KCNN1: variants seen among roughly 807,000 people sequenced by gnomAD.
KCNN1 encodes small conductance calcium-activated potassium channel protein 1.
In KCNN1, 20 loss-of-function variants were observed where a neutral mutation model predicts 44.7. The observed-to-expected ratio is 0.45, with a 90% CI of 0.32 to 0.65. KCNN1 has a LOEUF of 0.65. Among genes scored for constraint, KCNN1 ranks in the 30% least tolerant of loss-of-function variants. KCNN1 has a pLI of 0.05. For synonymous variants in KCNN1, 324 were observed against 341.7 expected (o/e 0.95, Z 0.57); for missense variants, 632 against 785.3 (o/e 0.80, Z 2.33).
chr19:17,999,551 G>A lies in KCNN1; in HGVS notation c.*1145G>A, dbSNP rs1411705271. On this transcript the variant is annotated 3_prime_UTR_variant, in exon 10 of 10. Transcript: ENST00000684775. ...GACTCCATGGAGGAGCCATGGGGAC[G>A]TCAGGAGGAGGGGTTATTTGGTGAC... is the stretch of plus-strand genomic sequence containing the variant. The A allele has an allele frequency of 2.5e-5, 4 of 159,698 alleles. No homozygotes were observed. Among genetic ancestry groups the A allele is most frequent in the Admixed American group, 1.2e-4 (2 of 16,158 alleles). The allele number at this position is 159,698 out of a possible 1,614,324, so 9.9% of individuals were successfully genotyped here.
At chr19:17,963,085 G>C (rs906304067), upstream of KCNN1, among the ~76,000 whole-genome samples, 1 of 142,652 alleles carries the variant, frequency 7.0e-6, no homozygotes, top group Non-Finnish European at 1.5e-5. Flanking sequence ...TCGGTTCACT[G>C]CAAGCTCCGC....
At chr19:17,989,673 A>G in intron 6 of KCNN1, 43 bp from the exon 7 acceptor site, 2 of 1,611,932 alleles carry the variant, frequency 1.2e-6, no homozygotes, top group Non-Finnish European at 1.7e-6. Context: ...GCCTTTTGGA[A>G]TTTCGCGCCA....
chr19:17,955,157 C>T (rs1279696669), intron 2 of KCNN1, among the ~76,000 whole-genome samples: 3 of 150,128 alleles, frequency 2.0e-5, no homozygotes, highest in Admixed American at 6.6e-5. Context: ...GTGGGAGTAT[C>T]GAGTCCAGGA....
In KCNN1 at chr19:17,967,294, G is replaced by T; in HGVS notation, c.-105G>T. 1.0e-6 allele frequency: 1 copy of T among 985,300 alleles called. No homozygotes were observed. 61.0% of individuals were successfully genotyped at this position (985,300 alleles called of 1,614,324 possible). Reference sequence around the variant, plus strand: ...GACCCTCTCCCCTCCAGCCTTGTCCGCCCGCTCGGGCCGAGCCCCGCAGGT... The same window carrying T: ...GACCCTCTCCCCTCCAGCCTTGTCCTCCCGCTCGGGCCGAGCCCCGCAGGT... On this transcript the variant is annotated 5_prime_UTR_variant, in exon 1 of 10. Transcript: ENST00000684775.
chr19:17,966,474 T>TG (rs1233964474), upstream of KCNN1, among the ~76,000 whole-genome samples: 1 of 152,188 alleles, frequency 6.6e-6, no homozygotes, highest in Non-Finnish European at 1.5e-5. Flanking sequence ...CCCCCAGCCC[T>TG]GGTGATCCCA....
At chr19:17,973,716 C>T in intron 1 of KCNN1, 92 bp from the exon 2 acceptor site, 1 of 1,400,614 alleles carries the variant, frequency 7.1e-7, no homozygotes, top group Non-Finnish European at 9.3e-7. Context: ...CACTCCCAAA[C>T]TTAGAACGTT....
upstream of KCNN1, among the ~76,000 whole-genome samples, chr19:17,964,402 C>T (rs1455377804): frequency 6.6e-6 from 1 of 152,248 alleles, no homozygotes; most frequent in Non-Finnish European, 1.5e-5. The surrounding 1 kb of genome is among the most constrained non-coding windows in gnomAD (Gnocchi z 4.3). Context: ...GACCCTTAGA[C>T]ACTGCCCAGA....
At chr19:17,965,786 G>A (rs1002219233), upstream of KCNN1, among the ~76,000 whole-genome samples, 1 of 152,196 alleles carries the variant, frequency 6.6e-6, no homozygotes, top group African/African-American at 2.4e-5. Flanking sequence ...GGATCTGACC[G>A]GGACCACCCA....
At chr19:17,954,153 A>G (rs932624036) in intron 1 of KCNN1, among the ~76,000 whole-genome samples, 6 of 152,186 alleles carry the variant, frequency 3.9e-5, no homozygotes, top group Non-Finnish European at 4.4e-5. Flanking sequence ...AAAGCTTAGG[A>G]GATGACCCAG....
intron 7 of KCNN1, among the ~76,000 whole-genome samples, chr19:17,992,184 G>A (rs145067333): frequency 3.4e-5 from 5 of 147,090 alleles, no homozygotes; most frequent in African/African-American, 1.0e-4. Flanking sequence ...TTAGCTGAGC[G>A]TGGTGGCACA....
At chr19:17,976,495 C>T (rs1422227398) in intron 3 of KCNN1, among the ~76,000 whole-genome samples, 6 of 150,774 alleles carry the variant, frequency 4.0e-5, no homozygotes, top group African/African-American at 1.2e-4. Flanking sequence ...TCCAGCTCAC[C>T]GCAACCTACG....
At chr19:17,994,211 G>A (rs2032903405) in intron 9 of KCNN1, among the ~76,000 whole-genome samples, 1 of 152,002 alleles carries the variant, frequency 6.6e-6, no homozygotes, top group Non-Finnish European at 1.5e-5. Context: ...TTGGGAGGCT[G>A]AGGCAGGCAG....
chr19:17,988,343 T>C, intron 5 of KCNN1, 72 bp from the exon 6 acceptor site: 1 of 1,266,698 alleles, frequency 7.9e-7, no homozygotes, highest in Non-Finnish European at 1.1e-6. Flanking sequence ...GGCTGCAATC[T>C]GGGCAGGCTT....
rs1444875547 is a variant in KCNN1 at position 17,998,046 on chromosome 19, C to G, written c.1378-106C>G. On this transcript the variant is annotated intron_variant, in intron 9 of 9. Coordinates refer to ENST00000684775, the MANE Select transcript of KCNN1 (RefSeq NM_001386974.1). The surrounding 1 kb of genome is among the most constrained non-coding windows in gnomAD (Gnocchi z 5.4). ...ACGGGCCCCATTAGTGGCTGGCACC[C>G]ACCTGGAGCGTGTGGGCTGTCCCTC... 7.6e-7 allele frequency: 1 copy of G among 1,324,262 alleles called. No homozygotes were observed. The highest frequency in any genetic ancestry group is 1.0e-6 in the Non-Finnish European group (1 of 994,696). The allele number at this position is 1,324,262 out of a possible 1,614,324, so 82.0% of individuals were successfully genotyped here. A position where few individuals can be genotyped will look rare whatever the true frequency, so the allele number is the denominator to read the frequency against.
chr19:17,959,685 G>A (rs1400568355), intron 2 of KCNN1, among the ~76,000 whole-genome samples: 2 of 152,170 alleles, frequency 1.3e-5, no homozygotes, highest in Admixed American at 1.3e-4. Flanking sequence ...TTACAGGCAT[G>A]AGCCATGGGA....
chr19:17,978,129 T>G (rs1301214200), intron 3 of KCNN1, among the ~76,000 whole-genome samples: 1 of 149,826 alleles, frequency 6.7e-6, no homozygotes, highest in East Asian at 1.9e-4. Context: ...TATACTTGTT[T>G]TTTTTTTTTT....
intron 2 of KCNN1, chr19:17,954,703 G>A (rs1182410070): frequency 6.6e-6 from 1 of 152,380 alleles, no homozygotes; most frequent in South Asian, 2.1e-4. Flanking sequence ...CCAGACTTGG[G>A]TCGCCTTTGG....
rs746083930 is a variant in KCNN1, at chr19:17,973,933, C to T, written c.45C>T (p.Gly15=). 41 of 1,555,932 alleles carry T rather than the reference C, an allele frequency of 2.6e-5. No individual in the cohort carries two copies. The African/African-American group carries it at 3.9e-4, about 15-fold the overall frequency. Residue 15 remains glycine, a synonymous_variant, in exon 2 of 10, where the codon GGC becomes GGT. Coordinates refer to ENST00000684775, the MANE Select transcript of KCNN1 (RefSeq NM_001386974.1). The part of the protein sequence containing the change: ...SYNGSVGRPL[G]SGPGALGRDP... ...ATGGCAGCGTGGGGCGGCCGCTGGG[C>T]AGCGGGCCGGGCGCCCTGGGACGAG...
At chr19:17,978,883 C>T (rs1481352443) in intron 3 of KCNN1, among the ~76,000 whole-genome samples, 1 of 146,830 alleles carries the variant, frequency 6.8e-6, no homozygotes, top group African/African-American at 2.5e-5. Context: ...GGCGAAACAC[C>T]GTCTCTACAC....
Sources: allele counts gnomAD v4.1 joint callset (sites outside exome capture counted in the v4.1 genomes callset), GRCh38; gene constraint gnomAD v4.1.1; non-coding constraint Gnocchi (gnomAD v3.1); transcripts MANE v1.5; gene names NCBI Gene and HGNC (gene_info 2026-07-23, HGNC 2026-07-21).